ANKS1B: variants seen among roughly 807,000 people sequenced by gnomAD.
The protein encoded by ANKS1B is ankyrin repeat and sterile alpha motif domain-containing protein 1B.
Under a neutral mutation model 148.3 loss-of-function variants are expected in ANKS1B, and 36 were observed. The observed-to-expected ratio is 0.24, with a 90% CI of 0.19 to 0.32. The LOEUF is 0.32. Among genes scored for constraint, ANKS1B ranks in the 10% least tolerant of loss-of-function variants. The probability of loss-of-function intolerance (pLI) is 1.00; values close to 1 mark genes in which losing one functional copy is unlikely to be tolerated. For synonymous variants in ANKS1B, 542 were observed against 560.8 expected, an observed-to-expected ratio of 0.97 and a Z score of 0.47; for missense variants, 1,157 against 1,542.6, an observed-to-expected ratio of 0.75 and a Z score of 4.19.
At chr12:98,821,459 G>A (rs1370335323) in intron 19 of ANKS1B, among the ~76,000 whole-genome samples, 2 of 152,198 alleles carry the variant, frequency 1.3e-5, no homozygotes, top group East Asian at 1.9e-4. Context: ...CACCCCTGGT[G>A]TGGGACCTCT....
At chr12:99,931,501 T>C (rs537747564) in intron 1 of ANKS1B, among the ~76,000 whole-genome samples, 1 of 152,326 alleles carries the variant, frequency 6.6e-6, no homozygotes, top group South Asian at 2.1e-4. Context: ...TTCTGCTATA[T>C]AGAAGCATTC....
At chr12:99,842,044 T>C (rs1406249732) in intron 1 of ANKS1B, among the ~76,000 whole-genome samples, 1 of 152,176 alleles carries the variant, frequency 6.6e-6, no homozygotes, top group Non-Finnish European at 1.5e-5. Context: ...TTGAGTTGAA[T>C]GCTTCACTCA....
chr12:98,768,040 C>T (rs1340594661), intron 25 of ANKS1B, among the ~76,000 whole-genome samples: 1 of 152,168 alleles, frequency 6.6e-6, no homozygotes, highest in Non-Finnish European at 1.5e-5. Context: ...TTTCTGCTCA[C>T]CCTACAGTTC....
intron 17 of ANKS1B, among the ~76,000 whole-genome samples, chr12:98,938,406 T>C (rs1597256442): frequency 2.0e-5 from 3 of 152,340 alleles, no homozygotes; most frequent in South Asian, 4.1e-4. Flanking sequence ...GCCCAGGCTC[T>C]GCTCATAGGG....
chr12:99,688,827 T>C (rs985678939), intron 8 of ANKS1B, among the ~76,000 whole-genome samples: 2 of 151,338 alleles, frequency 1.3e-5, no homozygotes, highest in African/African-American at 4.9e-5. Context: ...GGTGACAGAC[T>C]GAGATACTGT....
At chr12:98,859,598 T>A (rs914182406) in intron 17 of ANKS1B, among the ~76,000 whole-genome samples, 1 of 152,200 alleles carries the variant, frequency 6.6e-6, no homozygotes, top group Non-Finnish European at 1.5e-5. Context: ...AAAGGTATAA[T>A]TTGGATGTTG....
intron 9 of ANKS1B, among the ~76,000 whole-genome samples, chr12:99,625,744 C>G (rs1469485037): frequency 6.6e-6 from 1 of 151,822 alleles, no homozygotes; most frequent in East Asian, 1.9e-4. Context: ...TGGAAAAAGT[C>G]AAGAAGTAAA....
At chr12:98,803,992 C>T (rs1223252767) in intron 20 of ANKS1B, among the ~76,000 whole-genome samples, 3 of 152,146 alleles carry the variant, frequency 2.0e-5, no homozygotes, top group African/African-American at 7.2e-5. Flanking sequence ...ACTGAAATCC[C>T]TTATTTGATA....
chr12:99,508,123 A>G (rs1236829957), intron 9 of ANKS1B, among the ~76,000 whole-genome samples: 2 of 151,852 alleles, frequency 1.3e-5, no homozygotes, highest in Admixed American at 1.3e-4. Flanking sequence ...CTCAATCAAG[A>G]TTATGTTTCT....
At chr12:99,665,510 T>C (rs557851389) in intron 8 of ANKS1B, among the ~76,000 whole-genome samples, 1 of 151,726 alleles carries the variant, frequency 6.6e-6, no homozygotes, top group Admixed American at 6.6e-5. Flanking sequence ...TTAGACGGAG[T>C]ATCACTCTGT....
intron 9 of ANKS1B, among the ~76,000 whole-genome samples, chr12:99,539,149 A>G (rs1242449163): frequency 6.6e-6 from 1 of 152,196 alleles, no homozygotes; most frequent in African/African-American, 2.4e-5. Flanking sequence ...GGCTGAAAAG[A>G]CAGTAAACAG....
intron 12 of ANKS1B, among the ~76,000 whole-genome samples, chr12:99,267,880 C>T (rs577851983): frequency 1.2e-4 from 18 of 152,086 alleles, no homozygotes; most frequent in South Asian, 8.3e-4. Context: ...AAAGTACAGA[C>T]GGCACAAGAA....
intron 10 of ANKS1B, among the ~76,000 whole-genome samples, chr12:99,446,797 C>T (rs569364688): frequency 6.6e-6 from 1 of 152,032 alleles, no homozygotes; most frequent in African/African-American, 2.4e-5. Context: ...ACAAAAAAGT[C>T]AACCATAAAA....
intron 19 of ANKS1B, among the ~76,000 whole-genome samples, chr12:98,822,759 T>C (rs1363965362): frequency 6.6e-6 from 1 of 152,186 alleles, no homozygotes; most frequent in Non-Finnish European, 1.5e-5. Context: ...TCTATCAGAA[T>C]CAACTCTGGC....
intron 9 of ANKS1B, among the ~76,000 whole-genome samples, chr12:98,738,004 TAC>T (rs1276770083): frequency 6.6e-6 from 1 of 152,230 alleles, no homozygotes; most frequent in East Asian, 1.9e-4. Flanking sequence ...GGATATACTA[TAC>T]AGTTATTAAA....
intron 1 of ANKS1B, among the ~76,000 whole-genome samples, chr12:99,903,666 T>C (rs2093676881): frequency 6.6e-6 from 1 of 152,028 alleles, no homozygotes; most frequent in Admixed American, 6.6e-5. Flanking sequence ...CAAAATAGTA[T>C]CATGGTAATA....
At chr12:99,737,642 G>C (rs2059734580) in intron 8 of ANKS1B, among the ~76,000 whole-genome samples, 1 of 151,982 alleles carries the variant, frequency 6.6e-6, no homozygotes, top group Admixed American at 6.6e-5. Context: ...CACCTCTACA[G>C]CATCAACTCC....
intron 17 of ANKS1B, among the ~76,000 whole-genome samples, chr12:99,043,214 G>A (rs1328880671): frequency 2.0e-5 from 3 of 152,106 alleles, no homozygotes; most frequent in African/African-American, 7.2e-5. Context: ...TACTCTCCTA[G>A]AGAATATATG....
intron 14 of ANKS1B, among the ~76,000 whole-genome samples, chr12:99,214,656 A>C (rs1184767998): frequency 6.6e-6 from 1 of 152,226 alleles, no homozygotes; most frequent in Non-Finnish European, 1.5e-5. Context: ...TAGCAGTATG[A>C]AAATGGGCTA....
Sources: gnomAD v4.1 joint callset for allele counts (sites outside exome capture counted in the v4.1 genomes callset) on GRCh38, gnomAD v4.1.1 for gene constraint, MANE v1.5 for transcripts, NCBI Gene and HGNC (gene_info 2026-07-23, HGNC 2026-07-21) for gene names.